The following VWC2 variants were observed in gnomAD, a reference collection of about 807,000 sequenced individuals.
VWC2 encodes the protein brorin.
In VWC2, 14 loss-of-function variants were observed where a neutral mutation model predicts 29.8. The ratio of observed to expected loss-of-function variants is 0.47; its 90% CI spans 0.31 to 0.74. The LOEUF (loss-of-function observed/expected upper bound fraction) is 0.74. Ranked by LOEUF, VWC2 falls within the 30% of genes least tolerant of loss-of-function variation. VWC2 has a pLI of 0.05. For synonymous variants in VWC2, 213 were observed against 199.0 expected (o/e 1.07, Z -0.59); for missense variants, 457 against 459.8 (o/e 0.99, Z 0.05).
At chr7:49,844,397 G>A (rs961493190) in intron 3 of VWC2, among the ~76,000 whole-genome samples, 2 of 152,152 alleles carry the variant, frequency 1.3e-5, no homozygotes, top group African/African-American at 2.4e-5. Flanking sequence ...CAGAACGATC[G>A]GCTTTGCCCT....
At chr7:49,848,665 T>A (rs1790054994) in intron 3 of VWC2, among the ~76,000 whole-genome samples, 1 of 152,248 alleles carries the variant, frequency 6.6e-6, no homozygotes, top group African/African-American at 2.4e-5. Context: ...TCATTGACTG[T>A]CGTTTCTCAC....
rs140935839 is a variant in VWC2, at chr7:49,848,504, C to G, written c.826+45664C>G. On this transcript the variant is annotated intron_variant, in intron 3 of 3. Transcript: ENST00000340652. Reference sequence around the variant, plus strand: ...GCTGTGGGCCATAGGAACTGTTGCTCAGTGAGCCCAGAAATGGTGTGTCTC... The same window carrying G: ...GCTGTGGGCCATAGGAACTGTTGCTGAGTGAGCCCAGAAATGGTGTGTCTC... 3.5e-3 allele frequency among the ~76,000 whole-genome samples: 533 copies of G among 152,328 alleles called. 1 individual carries two copies. The highest frequency in any genetic ancestry group is 0.012 in the African/African-American group (494 of 41,586).
chr7:49,879,418 C>A (rs1223918403), intron 3 of VWC2, among the ~76,000 whole-genome samples: 3 of 152,046 alleles, frequency 2.0e-5, no homozygotes, highest in African/African-American at 7.2e-5. Context: ...ATTATCTTAT[C>A]CGGAGAGGGT....
chr7:49,855,064 A>G (rs1470501809), intron 3 of VWC2, among the ~76,000 whole-genome samples: 1 of 152,238 alleles, frequency 6.6e-6, no homozygotes, highest in Non-Finnish European at 1.5e-5. Flanking sequence ...CTATATTTGA[A>G]AATCGAAAAA....
chr7:49,880,229 ATG>A (rs1290236684), intron 3 of VWC2, among the ~76,000 whole-genome samples: 5 of 152,168 alleles, frequency 3.3e-5, no homozygotes, highest in Admixed American at 2.6e-4. Flanking sequence ...TTTCTCTTAT[ATG>A]TGTGGCTATA....
At chr7:49,809,622 A>C (rs1487765434) in intron 3 of VWC2, among the ~76,000 whole-genome samples, 1 of 152,044 alleles carries the variant, frequency 6.6e-6, no homozygotes, top group African/African-American at 2.4e-5. Flanking sequence ...TCTCCTTAAC[A>C]ATGAGTTAAT....
chr7:49,806,715 GA>G (rs1475397090), intron 3 of VWC2, among the ~76,000 whole-genome samples: 1 of 151,788 alleles, frequency 6.6e-6, no homozygotes, highest in Non-Finnish European at 1.5e-5. Flanking sequence ...AGACAAAACG[GA>G]ATGGTGTGTG....
At chr7:49,853,961 G>A (rs541222769) in intron 3 of VWC2, among the ~76,000 whole-genome samples, 34 of 150,130 alleles carry the variant, frequency 2.3e-4, no homozygotes, top group Non-Finnish European at 4.3e-4. Context: ...GAGAACATGC[G>A]GTGTTTGGTT....
Position 49,874,445 on chromosome 7 carries a change from A to AT in VWC2, c.827-37589_827-37588insT, listed in dbSNP as rs1562745356. 6.6e-4 allele frequency among the ~76,000 whole-genome samples: 100 copies of AT among 151,986 alleles called. 1 individual carries two copies. Among genetic ancestry groups the AT allele is most frequent in the African/African-American group, 2.1e-3 (88 of 41,444 alleles). On this transcript the variant is annotated intron_variant, in intron 3 of 3. Coordinates refer to ENST00000340652, the MANE Select transcript of VWC2 (RefSeq NM_198570.5). Reference sequence around the variant, plus strand: ...AGGTGTGTAGAAGGCTGTACTATCTAGGTCTGTGCAAGTGCACCCTCTGAT... The same window carrying AT: ...AGGTGTGTAGAAGGCTGTACTATCTATGGTCTGTGCAAGTGCACCCTCTGAT...
intron 3 of VWC2, among the ~76,000 whole-genome samples, chr7:49,848,015 C>T (rs1790020565): frequency 6.6e-6 from 1 of 152,188 alleles, no homozygotes; most frequent in Non-Finnish European, 1.5e-5. Context: ...ATAGGGCTAG[C>T]ACAGCATGTT....
chr7:49,884,109 G>C (rs911041914), intron 3 of VWC2, among the ~76,000 whole-genome samples: 1 of 152,206 alleles, frequency 6.6e-6, no homozygotes, highest in Non-Finnish European at 1.5e-5. Context: ...CTGTCAGGCT[G>C]GTAGAGGAAG....
chr7:49,919,388 G>A lies in VWC2; in HGVS notation c.*7203G>A, dbSNP rs1300100361. 2 of 152,112 alleles carry A rather than the reference G, an allele frequency of 1.3e-5. No individual in the cohort carries two copies. Among genetic ancestry groups the A allele is most frequent in the East Asian group, 1.9e-4 (1 of 5,182 alleles). 9.4% of individuals were successfully genotyped at this position (152,112 alleles called of 1,614,324 possible). ...GCATTAAAGTCATAAACTTACATCA[G>A]TATTATGATTTATACTTTTAAGCAA... On this transcript the variant is annotated 3_prime_UTR_variant, in exon 4 of 4. Transcript: ENST00000340652.
At chr7:49,909,625 CTGG>C (rs1450519278) in intron 3 of VWC2, among the ~76,000 whole-genome samples, 1 of 152,146 alleles carries the variant, frequency 6.6e-6, no homozygotes, top group Non-Finnish European at 1.5e-5. Flanking sequence ...CATCATAAAT[CTGG>C]TGTTTTCAGG....
chr7:49,879,742 T>A (rs543090013), intron 3 of VWC2, among the ~76,000 whole-genome samples: 79 of 150,444 alleles, frequency 5.3e-4, no homozygotes, highest in Middle Eastern at 6.8e-3. Context: ...CTTTCCATGG[T>A]TATTTTTTTA....
At position 49,775,412 on chromosome 7, in the gene VWC2, C is replaced by T; in HGVS notation, c.-24C>T. 7.8e-7 allele frequency: 1 copy of T among 1,281,584 alleles called. No individual in the cohort carries two copies. Among genetic ancestry groups the T allele is most frequent in the Non-Finnish European group, 1.0e-6 (1 of 1,001,442 alleles). The allele number at this position is 1,281,584 out of a possible 1,614,324, so 79.4% of individuals were successfully genotyped here. ...CCCCTCGGCCGCGCTCCCCGCCCGC[C>T]CGCCCGCCGGGACGTGGTAGGGGAT... On this transcript the variant is annotated 5_prime_UTR_variant, in exon 2 of 4. Coordinates refer to ENST00000340652, the MANE Select transcript of VWC2 (RefSeq NM_198570.5).
chr7:49,808,937 C>G (rs1464412322), intron 3 of VWC2, among the ~76,000 whole-genome samples: 1 of 151,854 alleles, frequency 6.6e-6, no homozygotes, highest in East Asian at 1.9e-4. Flanking sequence ...AGTAGAAAGG[C>G]CTCAAATCAG....
chr7:49,792,193 C>A (rs1330001577), intron 2 of VWC2, among the ~76,000 whole-genome samples: 1 of 152,118 alleles, frequency 6.6e-6, no homozygotes, highest in Non-Finnish European at 1.5e-5. Flanking sequence ...GGAATCAGTC[C>A]CCCATGGATA....
chr7:49,860,142 G>T (rs186313571), intron 3 of VWC2, among the ~76,000 whole-genome samples: 24 of 152,134 alleles, frequency 1.6e-4, no homozygotes, highest in African/African-American at 5.5e-4. Flanking sequence ...CTTTTTAAGT[G>T]TTCAATCCAG....
intron 3 of VWC2, among the ~76,000 whole-genome samples, chr7:49,863,329 A>G (rs1010598780): frequency 6.6e-6 from 1 of 152,070 alleles, no homozygotes; most frequent in African/African-American, 2.4e-5. Flanking sequence ...AGTAATTTGT[A>G]TCTTCTCTCT....
Sources: gnomAD v4.1 joint callset for allele counts (sites outside exome capture counted in the v4.1 genomes callset) on GRCh38, gnomAD v4.1.1 for gene constraint, MANE v1.5 for transcripts, NCBI Gene and HGNC (gene_info 2026-07-23, HGNC 2026-07-21) for gene names.